Variants in STARD13 observed in about 807,000 individuals in gnomAD.
The protein encoded by STARD13 is StAR related lipid transfer domain containing 13.
A neutral mutation model predicts 106.4 loss-of-function variants in STARD13; 62 were observed. That is an observed-to-expected ratio of 0.58 (90% CI 0.48 to 0.72). The LOEUF (loss-of-function observed/expected upper bound fraction) is 0.72, where lower values mean the gene tolerates loss of function less well. STARD13 is among the 30% of genes least tolerant of loss of function. STARD13 has a pLI of 0.00. For missense variants in STARD13, 1,387 were observed against 1,424.0 expected (o/e 0.97, Z 0.42); for synonymous variants, 565 against 553.0 (o/e 1.02, Z -0.31).
At chr13:33,302,280 T>C (rs1892750791) in intron 1 of STARD13, among the ~76,000 whole-genome samples, 1 of 152,198 alleles carries the variant, frequency 6.6e-6, no homozygotes, top group Non-Finnish European at 1.5e-5. Flanking sequence ...GAATTTGGGC[T>C]CATTCACCAT....
chr13:33,556,764 A>G, the STARD13 span, among the ~76,000 whole-genome samples: 1 of 151,876 alleles, frequency 6.6e-6, no homozygotes, highest in Non-Finnish European at 1.5e-5. Context: ...GAAAGCATAC[A>G]ACTTTTTTTG....
At chr13:33,542,398 C>G in the STARD13 span, among the ~76,000 whole-genome samples, 1 of 152,246 alleles carries the variant, frequency 6.6e-6, no homozygotes, top group Non-Finnish European at 1.5e-5. Flanking sequence ...AGAAACCTGA[C>G]TCACAGCCAG....
the STARD13 span, chr13:33,524,113 G>GA: frequency 2.6e-6 from 1 of 384,626 alleles, no homozygotes; most frequent in East Asian, 1.4e-4. Flanking sequence ...TGTTAAGTTT[G>GA]AAAAAACAAA....
At chr13:33,464,024 C>CATACATATATATAT in the STARD13 span, among the ~76,000 whole-genome samples, 1 of 112,540 alleles carries the variant, frequency 8.9e-6, no homozygotes, top group Non-Finnish European at 2.0e-5. Flanking sequence ...AAAAAAAATA[C>CATACATATATATAT]ATATATATAT....
At chr13:33,416,412 A>G in the STARD13 span, among the ~76,000 whole-genome samples, 2 of 152,240 alleles carry the variant, frequency 1.3e-5, no homozygotes, top group Admixed American at 6.5e-5. Flanking sequence ...TGTATTCCAG[A>G]TAGACTGGAA....
intron 4 of STARD13, among the ~76,000 whole-genome samples, chr13:33,133,046 A>T (rs1175372973): frequency 6.6e-6 from 1 of 152,196 alleles, no homozygotes; most frequent in Admixed American, 6.5e-5. Context: ...CCCTTTTAGC[A>T]GACAGTTTTT....
chr13:33,512,017 T>A, the STARD13 span, among the ~76,000 whole-genome samples: 1 of 152,162 alleles, frequency 6.6e-6, no homozygotes, highest in Non-Finnish European at 1.5e-5. Flanking sequence ...ACAATTTGGA[T>A]GGAGACTTTG....
the STARD13 span, among the ~76,000 whole-genome samples, chr13:33,644,103 G>T: frequency 2.6e-5 from 4 of 152,202 alleles, no homozygotes; most frequent in African/African-American, 9.7e-5. Context: ...AACCTGCACA[G>T]TTGAGAAGCT....
At chr13:33,158,403 C>T (rs1882227549) in intron 3 of STARD13, among the ~76,000 whole-genome samples, 1 of 152,188 alleles carries the variant, frequency 6.6e-6, no homozygotes, top group South Asian at 2.1e-4. Flanking sequence ...TTGCAGAATA[C>T]CAAAGGTGAG....
At chr13:33,624,966 G>A in the STARD13 span, among the ~76,000 whole-genome samples, 1 of 152,190 alleles carries the variant, frequency 6.6e-6, no homozygotes, top group Non-Finnish European at 1.5e-5. Flanking sequence ...TCTGTACAAG[G>A]AAGATGTCAT....
chr13:33,182,799 C>T (rs1166276077), intron 1 of STARD13, among the ~76,000 whole-genome samples: 1 of 152,198 alleles, frequency 6.6e-6, no homozygotes, highest in Non-Finnish European at 1.5e-5. Context: ...TTCCTTGAAT[C>T]TCTAACGTGA....
intron 1 of STARD13, among the ~76,000 whole-genome samples, chr13:33,329,039 T>C (rs1275460021): frequency 3.9e-5 from 6 of 152,230 alleles, no homozygotes; most frequent in African/African-American, 1.4e-4. Context: ...TATTCTCAAG[T>C]TCTGCACCAT....
chr13:33,270,197 T>C (rs1335196155), intron 1 of STARD13, among the ~76,000 whole-genome samples: 1 of 152,106 alleles, frequency 6.6e-6, no homozygotes, highest in Non-Finnish European at 1.5e-5. Context: ...GATCACGCCA[T>C]TGCACTCTAG....
At chr13:33,545,504 A>T in the STARD13 span, among the ~76,000 whole-genome samples, 1 of 152,248 alleles carries the variant, frequency 6.6e-6, no homozygotes, top group Admixed American at 6.5e-5. Context: ...TATATTTCAT[A>T]TACCTGCTGT....
chr13:33,662,459 C>G, the STARD13 span, among the ~76,000 whole-genome samples: 1 of 152,026 alleles, frequency 6.6e-6, no homozygotes, highest in Non-Finnish European at 1.5e-5. Context: ...GATATGTTAC[C>G]ACTCCTTTCC....
chr13:33,216,147 A>G (rs924895042), intron 1 of STARD13, among the ~76,000 whole-genome samples: 1 of 152,180 alleles, frequency 6.6e-6, no homozygotes, highest in African/African-American at 2.4e-5. Flanking sequence ...ACTCTGGAAA[A>G]CAGTGTGGAG....
chr13:33,164,947 C>T (rs1864414271), intron 3 of STARD13, among the ~76,000 whole-genome samples: 2 of 152,320 alleles, frequency 1.3e-5, no homozygotes, highest in Non-Finnish European at 2.9e-5. Context: ...ACATGCTGAG[C>T]CTGCTCATGC....
rs547458092 is a variant in STARD13 at position 33,115,744 on chromosome 13, A to G, written c.2281+2321T>C. Reference sequence around the variant, plus strand: ...CAAGAAAAATGCTGAGAGCTTCTGTAAGATGTATGACCCTGATAAAAAGAG... The same window carrying G: ...CAAGAAAAATGCTGAGAGCTTCTGTGAGATGTATGACCCTGATAAAAAGAG... On this transcript the variant is annotated intron_variant, in intron 8 of 13. Transcript: ENST00000336934. Among the ~76,000 whole-genome samples the G allele has an allele frequency of 3.3e-5, 5 of 152,292 alleles. No homozygotes were observed. The East Asian group carries it at 9.6e-4, about 29-fold the overall frequency.
intron 1 of STARD13, among the ~76,000 whole-genome samples, chr13:33,169,012 T>G (rs1227267617): frequency 6.6e-6 from 1 of 152,218 alleles, no homozygotes; most frequent in East Asian, 1.9e-4. Flanking sequence ...AATCTACTGT[T>G]ACTCCAGGGA....
Sources: gnomAD v4.1 joint callset for allele counts (sites outside exome capture counted in the v4.1 genomes callset) on GRCh38, gnomAD v4.1.1 for gene constraint, MANE v1.5 for transcripts, NCBI Gene and HGNC (gene_info 2026-07-23, HGNC 2026-07-21) for gene names.